The following SLC44A3 variants were observed in gnomAD, a reference collection of about 807,000 sequenced individuals.
SLC44A3 encodes solute carrier family 44 member 3.
A neutral mutation model predicts 75.4 loss-of-function variants in SLC44A3; 74 were observed. The observed-to-expected ratio is 0.98, with a 90% confidence interval of 0.81 to 1.19. SLC44A3 has a LOEUF of 1.19. Among genes scored for constraint, SLC44A3 ranks in the 50% most tolerant of loss-of-function variants. SLC44A3 has a pLI of 0.00. For missense variants in SLC44A3, 700 were observed against 778.6 expected, an observed-to-expected ratio of 0.90 and a Z score of 1.20; for synonymous variants, 310 against 296.9, an observed-to-expected ratio of 1.04 and a Z score of -0.45.
chr1:94,848,294 G>A (rs1052667315), intron 9 of SLC44A3, among the ~76,000 whole-genome samples: 1 of 152,094 alleles, frequency 6.6e-6, no homozygotes, highest in African/African-American at 2.4e-5. Flanking sequence ...GACCACAGCA[G>A]TTGGCTGGTG....
At chr1:94,862,251 C>T (rs150628308) in intron 10 of SLC44A3, among the ~76,000 whole-genome samples, 132 of 152,314 alleles carry the variant, frequency 8.7e-4, no homozygotes, top group African/African-American at 3.1e-3. Flanking sequence ...ACCAGCTTTA[C>T]GTTGGAGGCC....
At chr1:94,886,020 G>C (rs756563305) in intron 12 of SLC44A3, among the ~76,000 whole-genome samples, 2 of 152,162 alleles carry the variant, frequency 1.3e-5, no homozygotes, top group Non-Finnish European at 2.9e-5. Flanking sequence ...CAGAGTGCCT[G>C]GAGGAGTTAC....
At chr1:94,840,885 G>A (rs1021358489) in intron 7 of SLC44A3, among the ~76,000 whole-genome samples, 1 of 152,200 alleles carries the variant, frequency 6.6e-6, no homozygotes, top group African/African-American at 2.4e-5. Context: ...GCAGTTGTTG[G>A]GAAAGAGGTC....
chr1:94,885,166 A>G (rs1473363205), intron 12 of SLC44A3, among the ~76,000 whole-genome samples: 1 of 148,896 alleles, frequency 6.7e-6, no homozygotes, highest in Admixed American at 6.7e-5. Flanking sequence ...TCAATTGACC[A>G]CAGGAATACA....
intron 6 of SLC44A3, chr1:94,838,841 A>C (rs1048511167): frequency 9.2e-5 from 14 of 152,226 alleles, no homozygotes; most frequent in Non-Finnish European, 2.1e-4. Context: ...TTATATAATG[A>C]CCTAATGTCC....
intron 12 of SLC44A3, among the ~76,000 whole-genome samples, chr1:94,887,509 G>C (rs890821366): frequency 3.3e-5 from 5 of 152,122 alleles, no homozygotes; most frequent in Non-Finnish European, 5.9e-5. Context: ...AAATGCTTAT[G>C]GGCCCCAAAA....
At chr1:94,851,624 T>A (rs1557841260) in intron 9 of SLC44A3, among the ~76,000 whole-genome samples, 1 of 152,214 alleles carries the variant, frequency 6.6e-6, no homozygotes. Context: ...TGAAATGAGA[T>A]GGATACATGA....
chr1:94,852,324 C>T (rs755539836), intron 9 of SLC44A3, among the ~76,000 whole-genome samples: 7 of 152,080 alleles, frequency 4.6e-5, no homozygotes, highest in Non-Finnish European at 8.8e-5. Flanking sequence ...TTAAATTTGA[C>T]GATCAGGGGT....
At chr1:94,877,174 T>C (rs1160767794) in intron 12 of SLC44A3, among the ~76,000 whole-genome samples, 2 of 126,314 alleles carry the variant, frequency 1.6e-5, no homozygotes, top group East Asian at 5.0e-4. Flanking sequence ...TCAAGACCCA[T>C]AGACCTTTGT....
chr1:94,884,916 C>G (rs1407293794), intron 12 of SLC44A3, among the ~76,000 whole-genome samples: 1 of 152,156 alleles, frequency 6.6e-6, no homozygotes, highest in African/African-American at 2.4e-5. Flanking sequence ...ACACTTAAAT[C>G]TCATTTTCTT....
intron 5 of SLC44A3, among the ~76,000 whole-genome samples, chr1:94,835,606 A>G (rs1281053519): frequency 1.3e-5 from 2 of 152,196 alleles, no homozygotes; most frequent in South Asian, 2.1e-4. Flanking sequence ...TCAACTTCCA[A>G]CTCTTTTATG....
At chr1:94,839,114 TAA>T (rs749544008) in intron 6 of SLC44A3, 1 of 152,204 alleles carries the variant, frequency 6.6e-6, no homozygotes, top group Non-Finnish European at 1.5e-5. Flanking sequence ...TTACTAAACA[TAA>T]CTCTGATCTA....
At position 94,824,619 on chromosome 1, in the gene SLC44A3, G is replaced by A. The variant is rs1182898607; in HGVS notation, c.262G>A (p.Asp88Asn). Residue 88 changes from aspartate (D) to asparagine (N), a missense_variant, in exon 3 of 15, where the codon GAC becomes AAC. By Grantham distance (23) the Asp-to-Asn change is conservative (BLOSUM62 1). Transcript: ENST00000271227. ...GGAAGGGGCCCCTCTTTCAGGGCAGGACATGACCCTAAAAAAGTAAGTATC... is the reference window on the plus strand; with the variant it reads ...GGAAGGGGCCCCTCTTTCAGGGCAGAACATGACCCTAAAAAAGTAAGTATC... Reference protein sequence around the residue: ...PVEGAPLSGQDMTLKKHVFFM... With the variant: ...PVEGAPLSGQNMTLKKHVFFM... 4 of 1,589,304 alleles carry A rather than the reference G, an allele frequency of 2.5e-6. No homozygotes were observed. The South Asian group carries it at 3.4e-5, about 14-fold the overall frequency.
chr1:94,832,185 C>G (rs759699211), intron 5 of SLC44A3, among the ~76,000 whole-genome samples: 1 of 151,746 alleles, frequency 6.6e-6, no homozygotes, highest in Non-Finnish European at 1.5e-5. Context: ...AAGATGCATC[C>G]CTACCCCAGC....
chr1:94,892,369 T>C lies in SLC44A3; in HGVS notation c.1709T>C (p.Leu570Ser), dbSNP rs986268940. The change falls in exon 14 of 15, where the codon TTG (leucine) becomes TCG (serine). Residue 570 changes from leucine (L) to serine (S), a missense_variant. Transcript: ENST00000271227. ...AFQVWAVPLL[L>S]VAFFAYLVAH... ...CAGGTGTGGGCAGTCCCTCTGTTAT[T>C]GGTAGCTTTTTTTGCCTACTTAGTA... 1.2e-6 allele frequency: 2 copies of C among 1,614,112 alleles called. No homozygotes were observed. The highest frequency in any genetic ancestry group is 1.7e-6 in the Non-Finnish European group (2 of 1,180,052).
chr1:94,828,650 T>TTTTTCCTTAACTCTAAACAAAA, intron 5 of SLC44A3, 64 bp downstream of exon 5: 1 of 1,422,038 alleles, frequency 7.0e-7, no homozygotes, highest in Non-Finnish European at 9.9e-7. Context: ...GGTGTGCATC[T>TTTTTCCTTAACTCTAAACAAAA]GTTACTCTTC....
intron 11 of SLC44A3, among the ~76,000 whole-genome samples, chr1:94,866,241 G>A (rs776209602): frequency 3.3e-5 from 5 of 152,178 alleles, no homozygotes; most frequent in Non-Finnish European, 5.9e-5. Context: ...GCAGCCGGGA[G>A]CTTGCTCTCC....
In SLC44A3 at chr1:94,894,815, C is replaced by T. The variant is rs758173579; in HGVS notation, c.1858-3C>T. 2.5e-6 allele frequency: 4 copies of T among 1,607,146 alleles called. No homozygotes were observed. The highest frequency in any genetic ancestry group is 3.4e-6 in the Non-Finnish European group (4 of 1,176,414). ...TATTCTAACTTGTTCTTTTGTTTTT[C>T]AGAGTTTCGTAAAAAGGAGCAACAA... On this transcript the variant is annotated splice_region_variant and splice_polypyrimidine_tract_variant and intron_variant, in intron 14 of 14. Transcript: ENST00000271227.
chr1:94,863,371 G>A (rs1365721547), intron 10 of SLC44A3, among the ~76,000 whole-genome samples: 2 of 152,076 alleles, frequency 1.3e-5, no homozygotes, highest in Non-Finnish European at 2.9e-5. Flanking sequence ...CTAATACCTG[G>A]AGGGCTAACC....
Sources: gnomAD v4.1 joint callset for allele counts (sites outside exome capture counted in the v4.1 genomes callset) on GRCh38, gnomAD v4.1.1 for gene constraint, MANE v1.5 for transcripts, NCBI Gene and HGNC (gene_info 2026-07-23, HGNC 2026-07-21) for gene names.